Variants in DENND5A observed in about 807,000 individuals in gnomAD.
DENND5A encodes DENN domain-containing protein 5A.
A neutral mutation model predicts 140.3 loss-of-function variants in DENND5A; 64 were observed. The ratio of observed to expected loss-of-function variants is 0.46; its 90% CI spans 0.37 to 0.56. The LOEUF is 0.56. DENND5A is among the 20% of genes least tolerant of loss of function. DENND5A has a pLI of 0.00. For missense variants in DENND5A, 1,292 were observed against 1,593.8 expected (o/e 0.81, Z 3.22); for synonymous variants, 605 against 607.7 (o/e 1.00, Z 0.07).
intron 1 of DENND5A, among the ~76,000 whole-genome samples, chr11:9,219,357 A>G (rs1850221082): frequency 1.3e-5 from 2 of 152,292 alleles, no homozygotes; most frequent in South Asian, 4.1e-4. Context: ...ATAGCACTGG[A>G]TTTCTCAATA....
At chr11:9,182,343 C>G (rs149698081) in intron 5 of DENND5A, among the ~76,000 whole-genome samples, 318 of 152,178 alleles carry the variant, frequency 2.1e-3, no homozygotes, top group African/African-American at 7.2e-3. Flanking sequence ...AAAACCCCCA[C>G]AGTAATGCAG....
intron 1 of DENND5A, among the ~76,000 whole-genome samples, chr11:9,210,791 C>A (rs1206845015): frequency 2.6e-5 from 4 of 152,204 alleles, no homozygotes; most frequent in Non-Finnish European, 4.4e-5. Context: ...CTTCAGCCTC[C>A]CTTACAGGCA....
chr11:9,153,298 T>C (rs1847691010), intron 12 of DENND5A, among the ~76,000 whole-genome samples: 1 of 124,966 alleles, frequency 8.0e-6, no homozygotes, highest in Non-Finnish European at 1.5e-5. Context: ...TGAGCCAGGA[T>C]CATGCCGCTG....
At chr11:9,156,279 C>T (rs942084584) in intron 12 of DENND5A, among the ~76,000 whole-genome samples, 1 of 152,286 alleles carries the variant, frequency 6.6e-6, no homozygotes, top group East Asian at 1.9e-4. Context: ...ACTGTCACTG[C>T]TTCACTTCCA....
intron 1 of DENND5A, among the ~76,000 whole-genome samples, chr11:9,222,626 G>C (rs995573930): frequency 2.2e-4 from 33 of 152,188 alleles, no homozygotes; most frequent in African/African-American, 8.0e-4. Flanking sequence ...GGGATAAATA[G>C]AGCCAGACAT....
At position 9,184,124 on chromosome 11, in the gene DENND5A, G is replaced by A. The variant is rs183682923; in HGVS notation, c.1138-3040C>T. 5.6e-3 allele frequency among the ~76,000 whole-genome samples: 855 copies of A among 151,960 alleles called. 5 individuals are homozygous for A. Among genetic ancestry groups the A allele is most frequent in the Non-Finnish European group, 9.9e-3 (672 of 67,962 alleles). On this transcript the variant is annotated intron_variant, in intron 5 of 22. Transcript: ENST00000328194. ...TCCCAGCACTTTGGGAGGCCGAGGC[G>A]GGCGCATCACAAGGTCAGGAGATAG...
intron 18 of DENND5A, among the ~76,000 whole-genome samples, chr11:9,144,500 C>G (rs891845950): frequency 6.6e-6 from 1 of 152,174 alleles, no homozygotes; most frequent in Non-Finnish European, 1.5e-5. Flanking sequence ...ACCTAGAAAC[C>G]CTCCTTCTGG....
rs146285698 is a variant in DENND5A at position 9,208,000 on chromosome 11, T to C, written c.110-368A>G. Among the ~76,000 whole-genome samples, 229 of 152,264 alleles carry C rather than the reference T, an allele frequency of 1.5e-3. 1 individual carries two copies. The highest frequency in any genetic ancestry group is 6.0e-4 in the Non-Finnish European group (41 of 68,014). On this transcript the variant is annotated intron_variant, in intron 1 of 22. Coordinates refer to ENST00000328194, the MANE Select transcript of DENND5A (RefSeq NM_015213.4). ...ATCTAAAAGTATACTATCCCAAATA[T>C]TGCTTTTCCTAAGGAATTAGGGAGT...
intron 16 of DENND5A, 132 bp downstream of exon 16, chr11:9,146,898 C>A: frequency 9.2e-7 from 1 of 1,086,322 alleles, no homozygotes; most frequent in Non-Finnish European, 1.3e-6. Flanking sequence ...CCTCTCTCCC[C>A]ACAGAGGCAA....
intron 1 of DENND5A, among the ~76,000 whole-genome samples, chr11:9,231,152 G>C (rs889222588): frequency 6.6e-6 from 1 of 152,154 alleles, no homozygotes; most frequent in East Asian, 1.9e-4. Flanking sequence ...TGTCATACAT[G>C]CAAGAGTTAT....
At chr11:9,162,445 G>C (rs1165505460) in intron 11 of DENND5A, among the ~76,000 whole-genome samples, 1 of 151,566 alleles carries the variant, frequency 6.6e-6, no homozygotes, top group Non-Finnish European at 1.5e-5. Context: ...CTCCATGTTG[G>C]TCAGGCTGGT....
intron 11 of DENND5A, among the ~76,000 whole-genome samples, chr11:9,164,056 G>GTTTT (rs768604681): frequency 0.032 from 1,851 of 57,966 alleles, 433 homozygotes; most frequent in Non-Finnish European, 0.04. Flanking sequence ...TATTAATCAG[G>GTTTT]TTTTTTTTTT....
intron 4 of DENND5A, among the ~76,000 whole-genome samples, chr11:9,200,829 T>G (rs968138482): frequency 7.2e-5 from 11 of 152,244 alleles, no homozygotes; most frequent in Non-Finnish European, 1.2e-4. Flanking sequence ...GGATATACTC[T>G]TAATATAATG....
At position 9,151,996 on chromosome 11, in the gene DENND5A, G is replaced by A. The variant is rs113844171; in HGVS notation, c.2521+362C>T. On this transcript the variant is annotated intron_variant, in intron 13 of 22. Transcript: ENST00000328194. Reference sequence around the variant, plus strand: ...CTGACCAACAGCTCTCTTGACTAACGGGATAGATAATCATAATGCCCATGT... The same window carrying A: ...CTGACCAACAGCTCTCTTGACTAACAGGATAGATAATCATAATGCCCATGT... Among the ~76,000 whole-genome samples, 309 of 152,268 alleles carry A rather than the reference G, an allele frequency of 2.0e-3. 2 individuals are homozygous for A. The highest frequency in any genetic ancestry group is 7.1e-3 in the African/African-American group (293 of 41,554).
intron 4 of DENND5A, among the ~76,000 whole-genome samples, chr11:9,196,152 C>G (rs1849320931): frequency 6.6e-6 from 1 of 152,096 alleles, no homozygotes; most frequent in Non-Finnish European, 1.5e-5. Context: ...GGAGTTTCAT[C>G]ATGTTGGCAA....
At chr11:9,215,840 G>A (rs1349053671) in intron 1 of DENND5A, among the ~76,000 whole-genome samples, 2 of 152,082 alleles carry the variant, frequency 1.3e-5, no homozygotes, top group African/African-American at 2.4e-5. Flanking sequence ...GTGAGCCACC[G>A]CGCCTGGCCG....
Position 9,139,578 on chromosome 11 carries a change from A to T in DENND5A, c.*93T>A. On this transcript the variant is annotated 3_prime_UTR_variant, in exon 23 of 23. Coordinates refer to ENST00000328194, the MANE Select transcript of DENND5A (RefSeq NM_015213.4). Reference sequence around the variant, plus strand: ...ACAGTGAGTGTACATTTTGTCTCCTACTCCTGCACAATCGCTTAAGTCCCT... The same window carrying T: ...ACAGTGAGTGTACATTTTGTCTCCTTCTCCTGCACAATCGCTTAAGTCCCT... 1 of 1,160,760 alleles carries T rather than the reference A, an allele frequency of 8.6e-7. No individual in the cohort carries two copies. 71.9% of individuals were successfully genotyped at this position (1,160,760 alleles called of 1,614,324 possible). A position where few individuals can be genotyped will look rare whatever the true frequency, so the allele number is the denominator to read the frequency against.
intron 1 of DENND5A, among the ~76,000 whole-genome samples, chr11:9,233,256 G>A (rs1344856299): frequency 6.6e-6 from 1 of 152,044 alleles, no homozygotes. Context: ...AAAATTAACT[G>A]GACATGGTGG....
intron 1 of DENND5A, among the ~76,000 whole-genome samples, chr11:9,217,396 T>G (rs1850136009): frequency 6.6e-6 from 1 of 151,902 alleles, no homozygotes; most frequent in South Asian, 2.1e-4. Flanking sequence ...CACCTGTAGT[T>G]CCAGCTACTC....
Sources: allele counts gnomAD v4.1 joint callset (sites outside exome capture counted in the v4.1 genomes callset), GRCh38; gene constraint gnomAD v4.1.1; transcripts MANE v1.5; gene names NCBI Gene and HGNC (gene_info 2026-07-23, HGNC 2026-07-21).